JAZF1: variants seen among roughly 807,000 people sequenced by gnomAD.
JAZF1 encodes juxtaposed with another zinc finger protein 1.
In JAZF1, 8 loss-of-function variants were observed where a neutral mutation model predicts 26.4. That is an observed-to-expected ratio of 0.30 (90% CI 0.18 to 0.55). The LOEUF (loss-of-function observed/expected upper bound fraction) is 0.55. Among genes scored for constraint, JAZF1 ranks in the 20% least tolerant of loss-of-function variants. The pLI, the probability that JAZF1 is intolerant of heterozygous loss-of-function variation, is 0.94. For synonymous variants in JAZF1, 126 were observed against 122.3 expected, an observed-to-expected ratio of 1.03 and a Z score of -0.20; for missense variants, 199 against 322.0, an observed-to-expected ratio of 0.62 and a Z score of 2.92.
intron 2 of JAZF1, among the ~76,000 whole-genome samples, chr7:27,972,815 CA>C (rs1275193245): frequency 6.6e-6 from 1 of 151,430 alleles, no homozygotes; most frequent in African/African-American, 2.4e-5. Context: ...ACACGAAAAA[CA>C]AAAGATAAGT....
intron 3 of JAZF1, among the ~76,000 whole-genome samples, chr7:27,847,480 A>G (rs1783052779): frequency 1.3e-5 from 2 of 152,082 alleles, no homozygotes; most frequent in Admixed American, 1.3e-4. Flanking sequence ...TAAGGGACCA[A>G]TTTCATTCGA....
chr7:27,942,193 A>G (rs1470380637), intron 2 of JAZF1, among the ~76,000 whole-genome samples: 1 of 152,226 alleles, frequency 6.6e-6, no homozygotes, highest in African/African-American at 2.4e-5. Flanking sequence ...ACAGATAACA[A>G]CAGCTAGAAG....
chr7:28,068,576 C>G (rs571754372), intron 1 of JAZF1, among the ~76,000 whole-genome samples: 14 of 152,124 alleles, frequency 9.2e-5, no homozygotes, highest in Non-Finnish European at 1.5e-4. Context: ...AAATTTTAAT[C>G]AGGGCCACAT....
intron 3 of JAZF1, among the ~76,000 whole-genome samples, chr7:27,879,492 C>T (rs1299017492): frequency 1.8e-4 from 27 of 152,108 alleles, no homozygotes; most frequent in Admixed American, 1.6e-3. Flanking sequence ...AGAACTGATA[C>T]GCTTTAGTAT....
intron 2 of JAZF1, among the ~76,000 whole-genome samples, chr7:27,907,189 C>G (rs1003652888): frequency 2.0e-5 from 3 of 152,186 alleles, no homozygotes; most frequent in Non-Finnish European, 4.4e-5. Context: ...TTAATGACTC[C>G]TTCTCATCTT....
chr7:28,135,355 C>T (rs758351973), intron 1 of JAZF1, among the ~76,000 whole-genome samples: 3 of 152,182 alleles, frequency 2.0e-5, no homozygotes, highest in Admixed American at 6.5e-5. Flanking sequence ...GCTTTCACCA[C>T]GTAGCACTAA....
intron 1 of JAZF1, among the ~76,000 whole-genome samples, chr7:28,174,821 G>GGGGTGTGTGTGTGTGTGTGTGT (rs758961535): frequency 9.3e-6 from 1 of 107,690 alleles, no homozygotes; most frequent in Non-Finnish European, 2.3e-5. Context: ...GGGGTGTGTG[G>GGGGTGTGTGTGTGTGTGTGTGT]GTGTGTGTGT....
At chr7:27,963,569 C>CCT (rs1554278421) in intron 2 of JAZF1, among the ~76,000 whole-genome samples, 4,170 of 132,410 alleles carry the variant, frequency 0.031, 209 homozygotes, top group African/African-American at 0.064. Context: ...CCCCCCCCCC[C>CCT]TTTTTTTTTG....
At chr7:28,036,453 T>C (rs984910928) in intron 1 of JAZF1, among the ~76,000 whole-genome samples, 2 of 152,242 alleles carry the variant, frequency 1.3e-5, no homozygotes, top group Admixed American at 1.3e-4. Context: ...TCTGGTGCCA[T>C]AGTCTTCACT....
At chr7:28,029,422 C>T (rs1783148136) in intron 1 of JAZF1, among the ~76,000 whole-genome samples, 1 of 152,162 alleles carries the variant, frequency 6.6e-6, no homozygotes, top group African/African-American at 2.4e-5. Context: ...AAAAGAACGT[C>T]CTCTAAAAAT....
chr7:28,013,234 A>C (rs1302074334), intron 1 of JAZF1, among the ~76,000 whole-genome samples: 2 of 152,240 alleles, frequency 1.3e-5, no homozygotes, highest in African/African-American at 2.4e-5. Context: ...GACAAGCCCC[A>C]GGGCTGTTCA....
chr7:27,974,792 TAAAGA>T (rs1218551043), intron 2 of JAZF1, among the ~76,000 whole-genome samples: 2 of 152,140 alleles, frequency 1.3e-5, no homozygotes, highest in East Asian at 1.9e-4. Context: ...GGGTAATTTA[TAAAGA>T]AAAGAAAAGA....
chr7:27,961,543 G>A (rs1332680743), intron 2 of JAZF1, among the ~76,000 whole-genome samples: 2 of 152,106 alleles, frequency 1.3e-5, no homozygotes, highest in Admixed American at 6.5e-5. Context: ...CAGGAACTCT[G>A]GTGAAGACAT....
At chr7:28,011,945 T>C (rs1184239207) in intron 1 of JAZF1, among the ~76,000 whole-genome samples, 1 of 152,198 alleles carries the variant, frequency 6.6e-6, no homozygotes, top group Non-Finnish European at 1.5e-5. Flanking sequence ...GTTGAGTTTA[T>C]TTTTTAAAAC....
At chr7:28,048,442 G>A (rs1783533783) in intron 1 of JAZF1, among the ~76,000 whole-genome samples, 1 of 151,928 alleles carries the variant, frequency 6.6e-6, no homozygotes, top group South Asian at 2.1e-4. Context: ...ATATTGATTT[G>A]AATACTTAGT....
At chr7:28,133,705 C>T (rs1465498110) in intron 1 of JAZF1, among the ~76,000 whole-genome samples, 3 of 152,222 alleles carry the variant, frequency 2.0e-5, no homozygotes, top group Non-Finnish European at 4.4e-5. Flanking sequence ...AACCTCACCA[C>T]AGTCCTTACT....
At chr7:27,877,099 C>T (rs932981746) in intron 3 of JAZF1, among the ~76,000 whole-genome samples, 7 of 152,146 alleles carry the variant, frequency 4.6e-5, no homozygotes, top group South Asian at 2.1e-4. Flanking sequence ...TGGCAGAGGC[C>T]GCTGCTGGAA....
intron 1 of JAZF1, among the ~76,000 whole-genome samples, chr7:28,069,111 A>G (rs1200789047): frequency 1.3e-5 from 2 of 152,190 alleles, no homozygotes; most frequent in Admixed American, 1.3e-4. Flanking sequence ...CTGCCTACTG[A>G]CAAGGCAGAG....
chr7:28,048,994 T>TC (rs1769920938), intron 1 of JAZF1, among the ~76,000 whole-genome samples: 1 of 139,862 alleles, frequency 7.1e-6, no homozygotes, highest in Non-Finnish European at 1.6e-5. Flanking sequence ...TTCCCTTCCT[T>TC]CCTTCCCTTC....
Sources: gnomAD v4.1 joint callset for allele counts (sites outside exome capture counted in the v4.1 genomes callset) on GRCh38, gnomAD v4.1.1 for gene constraint, MANE v1.5 for transcripts, NCBI Gene and HGNC (gene_info 2026-07-23, HGNC 2026-07-21) for gene names.